ACACA: variants seen among roughly 807,000 people sequenced by gnomAD.
ACACA encodes the protein acetyl-CoA carboxylase alpha.
ACACA carries 103 observed loss-of-function variants against 296.1 expected under a neutral mutation model. The observed-to-expected ratio is 0.35, with a 90% CI of 0.30 to 0.41. The LOEUF is 0.41. Ranked by LOEUF, ACACA falls within the 10% of genes least tolerant of loss-of-function variation. The probability of loss-of-function intolerance (pLI) is 1.00; values close to 1 mark genes in which losing one functional copy is unlikely to be tolerated. For missense variants in ACACA, 1,554 were observed against 2,989.7 expected (o/e 0.52, Z 11.20); for synonymous variants, 953 against 1,038.6 (o/e 0.92, Z 1.58).
At chr17:37,232,001 C>T (rs11263824) in intron 25 of ACACA, among the ~76,000 whole-genome samples, 2,174 of 152,228 alleles carry the variant, frequency 0.014, 30 homozygotes, top group Non-Finnish European at 0.025. Flanking sequence ...TGGAGGAAAC[C>T]TGATAGGACT....
intron 21 of ACACA, among the ~76,000 whole-genome samples, chr17:37,244,198 TAAA>T (rs554571885): frequency 1.7e-5 from 2 of 120,456 alleles, no homozygotes; most frequent in African/African-American, 3.1e-5. Context: ...CCACCTCTAC[TAAA>T]AAAAAAAAAA....
chr17:37,236,226 A>G (rs1448849554), intron 24 of ACACA, among the ~76,000 whole-genome samples: 1 of 152,260 alleles, frequency 6.6e-6, no homozygotes, highest in Non-Finnish European at 1.5e-5. Flanking sequence ...TTTTTTTCCA[A>G]ATAAAATTAT....
At chr17:37,248,232 T>C (rs1351589842) in intron 17 of ACACA, 76 bp from the exon 18 acceptor site, 5 of 1,558,182 alleles carry the variant, frequency 3.2e-6, no homozygotes, top group Non-Finnish European at 4.4e-6. Flanking sequence ...GCTTCAAAAA[T>C]ACAGATAAGA....
At chr17:37,134,509 T>C (rs1415599332) in intron 45 of ACACA, among the ~76,000 whole-genome samples, 4 of 152,240 alleles carry the variant, frequency 2.6e-5, no homozygotes, top group Non-Finnish European at 5.9e-5. Context: ...TGTCCTGACA[T>C]ACACATTATG....
intron 6 of ACACA, 22 bp downstream of exon 6, chr17:37,277,874 A>G (rs770359608): frequency 1.2e-5 from 19 of 1,567,968 alleles, no homozygotes; most frequent in Non-Finnish European, 1.4e-5. Context: ...TTGGTTTTAA[A>G]GGACACATTG....
chr17:37,404,028 C>T (rs1031425631), intron 1 of ACACA, among the ~76,000 whole-genome samples: 2 of 152,170 alleles, frequency 1.3e-5, no homozygotes, highest in African/African-American at 2.4e-5. Context: ...CTGCCTTGGC[C>T]TCCCAAACTG....
At chr17:37,258,589 TC>T (rs1330058089) in intron 12 of ACACA, among the ~76,000 whole-genome samples, 1 of 152,162 alleles carries the variant, frequency 6.6e-6, no homozygotes. Context: ...TCTAAAGAAG[TC>T]CCCACATTCC....
intron 3 of ACACA, among the ~76,000 whole-genome samples, chr17:37,299,973 T>G (rs547736762): frequency 5.5e-4 from 83 of 152,150 alleles, no homozygotes; most frequent in African/African-American, 2.0e-3. Context: ...AGTAAGCACG[T>G]AGAAAGGAAA....
At chr17:37,382,349 T>C (rs1010844548) in intron 1 of ACACA, among the ~76,000 whole-genome samples, 2 of 151,910 alleles carry the variant, frequency 1.3e-5, no homozygotes, top group African/African-American at 4.8e-5. Flanking sequence ...CTTTCTTTTT[T>C]TCATATAGTT....
intron 2 of ACACA, among the ~76,000 whole-genome samples, chr17:37,332,351 C>A (rs1310502714): frequency 6.6e-6 from 1 of 151,340 alleles, no homozygotes; most frequent in Non-Finnish European, 1.5e-5. Flanking sequence ...TAAGAGCCCA[C>A]AACAATAAAA....
chr17:37,355,943 C>A (rs1235807007), intron 1 of ACACA, among the ~76,000 whole-genome samples: 3 of 151,978 alleles, frequency 2.0e-5, no homozygotes, highest in Non-Finnish European at 4.4e-5. Context: ...ATGAGGAGGG[C>A]GGACCACCTG....
At chr17:37,315,267 A>G (rs751836788) in intron 3 of ACACA, among the ~76,000 whole-genome samples, 18 of 152,126 alleles carry the variant, frequency 1.2e-4, no homozygotes, top group Non-Finnish European at 2.4e-4. Flanking sequence ...TGGAATCCAT[A>G]TTTTTAATAA....
chr17:37,144,093 C>T, intron 45 of ACACA: 2 of 762,496 alleles, frequency 2.6e-6, no homozygotes, highest in Non-Finnish European at 2.4e-6. Context: ...CATAATGGGT[C>T]TTGTCTGTCT....
At position 37,104,729 on chromosome 17, in the gene ACACA, G is replaced by A. The variant is rs184215688; in HGVS notation, c.6566-6745C>T. ...GGCCAAGGTGGGAAGGACTGCGGAG[G>A]CCAGGAGTTTGAGACCAGCCCAGGC... On this transcript the variant is annotated intron_variant, in intron 52 of 55. Transcript: ENST00000616317. Among the ~76,000 whole-genome samples, 487 of 152,204 alleles carry A rather than the reference G, an allele frequency of 3.2e-3. 2 individuals carry two copies. Among genetic ancestry groups the A allele is most frequent in the Non-Finnish European group, 4.1e-3 (278 of 68,004 alleles).
chr17:37,315,116 G>A (rs899884707), intron 3 of ACACA, among the ~76,000 whole-genome samples: 1 of 151,770 alleles, frequency 6.6e-6, no homozygotes, highest in Non-Finnish European at 1.5e-5. Flanking sequence ...GTGCCACCAC[G>A]CCCAACTAAT....
intron 1 of ACACA, 119 bp downstream of exon 1, chr17:37,406,143 T>C (rs1283928619): frequency 1.7e-6 from 2 of 1,187,806 alleles, no homozygotes; most frequent in Non-Finnish European, 2.5e-6. Flanking sequence ...CTCACAAGTT[T>C]TAAATGAGAC....
chr17:37,183,505 A>G (rs920350253), intron 39 of ACACA, among the ~76,000 whole-genome samples: 1 of 152,208 alleles, frequency 6.6e-6, no homozygotes, highest in African/African-American at 2.4e-5. Flanking sequence ...CCAAATGTCC[A>G]TCAACAGGTT....
chr17:37,285,160 G>A (rs1210111553), intron 3 of ACACA, among the ~76,000 whole-genome samples, 190 bp from the exon 4 acceptor site: 3 of 152,082 alleles, frequency 2.0e-5, no homozygotes, highest in African/African-American at 4.8e-5. Flanking sequence ...AAAAAAAAGC[G>A]TTTCTGAATA....
In ACACA at chr17:37,221,767, C is replaced by G; in HGVS notation, c.3640G>C (p.Val1214Leu). 1 of 1,614,216 alleles carries G rather than the reference C, an allele frequency of 6.2e-7. No individual in the cohort carries two copies. The highest frequency in any genetic ancestry group is 1.1e-5 in the South Asian group (1 of 91,086). ...QHRQLKDNTCVVEFQFMLPTS... is the reference protein window; with the variant it reads ...QHRQLKDNTCLVEFQFMLPTS... ...GGCAGCATGAACTGGAATTCCACCA[C>G]ACAGGTGTTGTCCTTAAGCTGGCGG... The change falls in exon 29 of 56, where the codon GTG becomes CTG. Residue 1214 changes from valine to leucine, a missense_variant. Val to Leu is a conservative substitution (Grantham distance 32). Coordinates refer to ENST00000616317, the MANE Select transcript of ACACA (RefSeq NM_198834.3).
Sources: allele counts gnomAD v4.1 joint callset (sites outside exome capture counted in the v4.1 genomes callset), GRCh38; gene constraint gnomAD v4.1.1; transcripts MANE v1.5; gene names NCBI Gene and HGNC (gene_info 2026-07-23, HGNC 2026-07-21).